CDK19: variants seen among roughly 807,000 people sequenced by gnomAD.
CDK19 encodes cyclin-dependent kinase 19.
In CDK19, 20 loss-of-function variants were observed where a neutral mutation model predicts 68.3. That is an observed-to-expected ratio of 0.29 (90% confidence interval 0.21 to 0.43). The LOEUF is 0.43. Ranked by LOEUF, CDK19 falls within the 20% of genes least tolerant of loss-of-function variation. The pLI, the probability that CDK19 is intolerant of heterozygous loss-of-function variation, is 1.00. For missense variants in CDK19, 339 were observed against 623.5 expected, an observed-to-expected ratio of 0.54 and a Z score of 4.86; for synonymous variants, 221 against 222.8, an observed-to-expected ratio of 0.99 and a Z score of 0.07.
intron 2 of CDK19, among the ~76,000 whole-genome samples, chr6:110,723,207 T>C (rs1214325017): frequency 1.3e-5 from 2 of 151,080 alleles, no homozygotes; most frequent in African/African-American, 4.9e-5. Context: ...GCCGCCAGGT[T>C]ATACACAAGC....
At chr6:110,704,634 TAA>T (rs1774285386) in intron 2 of CDK19, among the ~76,000 whole-genome samples, 1 of 152,242 alleles carries the variant, frequency 6.6e-6, no homozygotes, top group Non-Finnish European at 1.5e-5. Context: ...TGGTAAAGTG[TAA>T]AGTCATTCCA....
At chr6:110,616,102 C>G (rs575731989) in intron 12 of CDK19, among the ~76,000 whole-genome samples, 17 of 152,174 alleles carry the variant, frequency 1.1e-4, no homozygotes, top group Non-Finnish European at 2.5e-4. Flanking sequence ...GATAATAAAA[C>G]TCTGATGTCC....
intron 1 of CDK19, among the ~76,000 whole-genome samples, chr6:110,755,224 A>G (rs1778756215): frequency 6.6e-6 from 1 of 151,968 alleles, no homozygotes; most frequent in Non-Finnish European, 1.5e-5. Context: ...TATTTTTGGT[A>G]GAGATGGGGT....
At position 110,627,929 on chromosome 6, in the gene CDK19, G is replaced by A. The variant is rs74295718; in HGVS notation, c.647-784C>T. The stretch of plus-strand genomic sequence containing the variant: ...TAGACCATATAAAAGAATTGGGGAG[G>A]CTGGGTGCAGTGGTTCATGCCTGTA... On this transcript the variant is annotated intron_variant, in intron 6 of 12. Transcript: ENST00000368911. Among the ~76,000 whole-genome samples the A allele has an allele frequency of 0.021, 3,217 of 152,248 alleles. 339 individuals are homozygous for A. The East Asian group carries it at 0.33, about 16-fold the overall frequency.
Position 110,622,175 on chromosome 6 carries a change from C to A in CDK19, c.1032-9G>T. On this transcript the variant is annotated splice_polypyrimidine_tract_variant and intron_variant, in intron 10 of 12. Coordinates refer to ENST00000368911, the MANE Select transcript of CDK19 (RefSeq NM_015076.5). ...GGCAGCCGGCAAATACACTAAAAAT[C>A]ATTAAAAAGAAAAAACATATCATGA... 1 of 1,563,522 alleles carries A rather than the reference C, an allele frequency of 6.4e-7. No homozygotes were observed. Among genetic ancestry groups the A allele is most frequent in the Non-Finnish European group, 8.8e-7 (1 of 1,140,400 alleles).
At chr6:110,789,295 T>C (rs1282539639) in intron 1 of CDK19, among the ~76,000 whole-genome samples, 2 of 152,116 alleles carry the variant, frequency 1.3e-5, no homozygotes, top group Non-Finnish European at 1.5e-5. Context: ...CTTTTTTTTT[T>C]TTTAAGTGGA....
At chr6:110,635,135 T>A (rs1397494750) in intron 5 of CDK19, among the ~76,000 whole-genome samples, 3 of 152,140 alleles carry the variant, frequency 2.0e-5, no homozygotes, top group African/African-American at 7.2e-5. Flanking sequence ...CTAATTAGTA[T>A]CAAATGAAAA....
At chr6:110,759,425 AAAAATATAT>A (rs1353874990) in intron 1 of CDK19, among the ~76,000 whole-genome samples, 10 of 110,416 alleles carry the variant, frequency 9.1e-5, no homozygotes, top group African/African-American at 3.7e-4. Flanking sequence ...AAAAAAAAAA[AAAAATATAT>A]ATATATATAT....
chr6:110,690,109 TCC>T (rs1218433398), intron 2 of CDK19, among the ~76,000 whole-genome samples: 1 of 151,480 alleles, frequency 6.6e-6, no homozygotes, highest in African/African-American at 2.4e-5. Flanking sequence ...GGACTTCTAT[TCC>T]CCCTCGTTCA....
intron 1 of CDK19, among the ~76,000 whole-genome samples, chr6:110,789,809 A>G (rs753073303): frequency 2.0e-5 from 3 of 152,158 alleles, no homozygotes; most frequent in Admixed American, 6.5e-5. Flanking sequence ...TGACACACCT[A>G]ATTTTTTCTT....
chr6:110,741,785 A>G (rs1263587117), intron 2 of CDK19, among the ~76,000 whole-genome samples: 2 of 152,214 alleles, frequency 1.3e-5, no homozygotes, highest in African/African-American at 4.8e-5. Context: ...AAGACTATCA[A>G]CCAAGAATTC....
At chr6:110,762,979 T>C (rs1396974171) in intron 1 of CDK19, among the ~76,000 whole-genome samples, 2 of 152,214 alleles carry the variant, frequency 1.3e-5, no homozygotes, top group East Asian at 3.8e-4. Flanking sequence ...CCTTTTCAAA[T>C]AAGATAGAGG....
intron 1 of CDK19, among the ~76,000 whole-genome samples, chr6:110,761,616 C>A (rs1779237857): frequency 6.6e-6 from 1 of 150,576 alleles, no homozygotes; most frequent in Admixed American, 6.6e-5. Flanking sequence ...ATAGTTTAGA[C>A]AGGAGATGTG....
At chr6:110,670,071 C>T (rs1360808001) in intron 3 of CDK19, among the ~76,000 whole-genome samples, 2 of 152,056 alleles carry the variant, frequency 1.3e-5, no homozygotes, top group Admixed American at 6.5e-5. Context: ...GCAGGAGAAT[C>T]GCTTGAACCT....
chr6:110,663,531 G>GTTTCTT (rs113297379), intron 4 of CDK19, among the ~76,000 whole-genome samples: 6,291 of 152,206 alleles, frequency 0.041, 160 homozygotes, highest in South Asian at 0.083. Flanking sequence ...TTGGTTCAAA[G>GTTTCTT]TTTCTTTTTC....
chr6:110,634,100 A>C (rs1336807059), intron 5 of CDK19, among the ~76,000 whole-genome samples: 11 of 152,344 alleles, frequency 7.2e-5, no homozygotes, highest in Admixed American at 5.9e-4. Context: ...TCAACCACAG[A>C]ATGTCATTTA....
intron 2 of CDK19, among the ~76,000 whole-genome samples, chr6:110,715,968 C>T (rs1212559957): frequency 6.6e-6 from 1 of 152,098 alleles, no homozygotes; most frequent in Non-Finnish European, 1.5e-5. Flanking sequence ...TGAACAAAAG[C>T]ATACTACATT....
chr6:110,733,849 C>G (rs1352819429), intron 2 of CDK19, among the ~76,000 whole-genome samples: 1 of 152,018 alleles, frequency 6.6e-6, no homozygotes, highest in Admixed American at 6.6e-5. Context: ...TACCACTATT[C>G]TTGACTTACC....
At chr6:110,770,497 C>T (rs1779940592) in intron 1 of CDK19, among the ~76,000 whole-genome samples, 1 of 152,150 alleles carries the variant, frequency 6.6e-6, no homozygotes, top group Admixed American at 6.6e-5. Context: ...TCCCATGATT[C>T]AAATTGTCTC....
Sources: allele counts gnomAD v4.1 joint callset (sites outside exome capture counted in the v4.1 genomes callset), GRCh38; gene constraint gnomAD v4.1.1; transcripts MANE v1.5; gene names NCBI Gene and HGNC (gene_info 2026-07-23, HGNC 2026-07-21).